BLTP3B: variants seen among roughly 807,000 people sequenced by gnomAD.
BLTP3B encodes the protein UHRF1 (ICBP90) binding protein 1-like.
chr12:100,111,038 A>G, the BLTP3B span, among the ~76,000 whole-genome samples: 1 of 152,208 alleles, frequency 6.6e-6, no homozygotes, highest in Non-Finnish European at 1.5e-5. Flanking sequence ...AAGGATATCT[A>G]CAAGAAAAAA....
chr12:100,135,281 C>CTTTTTTTTTTTTTTTTTTTT, the BLTP3B span, among the ~76,000 whole-genome samples: 3 of 141,226 alleles, frequency 2.1e-5, no homozygotes, highest in Non-Finnish European at 3.0e-5. Flanking sequence ...TTCTTTCTTT[C>CTTTTTTTTTTTTTTTTTTTT]TTTTTTTTTT....
chr12:100,080,169 T>A, the BLTP3B span, among the ~76,000 whole-genome samples: 1 of 152,094 alleles, frequency 6.6e-6, no homozygotes, highest in Non-Finnish European at 1.5e-5. Context: ...CTAGTGGAGC[T>A]GTGAGAAGAA....
the BLTP3B span, among the ~76,000 whole-genome samples, chr12:100,067,602 T>C: frequency 5.9e-5 from 9 of 152,154 alleles, no homozygotes; most frequent in Admixed American, 3.9e-4. Flanking sequence ...ATGGAAGAAT[T>C]CCTGGAAAAA....
chr12:100,083,622 TCTG>T, the BLTP3B span, among the ~76,000 whole-genome samples: 1 of 152,122 alleles, frequency 6.6e-6, no homozygotes, highest in African/African-American at 2.4e-5. Context: ...TGCTAATTAC[TCTG>T]CTTTTAGTGT....
the BLTP3B span, among the ~76,000 whole-genome samples, chr12:100,068,962 G>A: frequency 1.3e-5 from 2 of 152,188 alleles, no homozygotes; most frequent in South Asian, 4.1e-4. Flanking sequence ...AGTAGGCAGA[G>A]CATGGTGGCT....
the BLTP3B span, among the ~76,000 whole-genome samples, chr12:100,104,945 G>T: frequency 1.8e-5 from 2 of 113,566 alleles, no homozygotes; most frequent in South Asian, 6.3e-4. Flanking sequence ...GGAGTTGAAA[G>T]ATCTCCACAT....
chr12:100,065,880 C>CT, the BLTP3B span, among the ~76,000 whole-genome samples: 3 of 152,164 alleles, frequency 2.0e-5, no homozygotes, highest in Non-Finnish European at 4.4e-5. Context: ...GACCTACTCC[C>CT]TGTTCATACA....
the BLTP3B span, chr12:100,097,601 T>C: frequency 8.3e-6 from 11 of 1,322,832 alleles, no homozygotes; most frequent in African/African-American, 1.5e-5. Flanking sequence ...TATTCTCAGT[T>C]AATTTTCACA....
chr12:100,078,697 A>G, the BLTP3B span, among the ~76,000 whole-genome samples: 10 of 152,180 alleles, frequency 6.6e-5, no homozygotes, highest in East Asian at 1.9e-4. Flanking sequence ...TAGAAAGCTA[A>G]TAAGTCCTGA....
the BLTP3B span, chr12:100,128,631 G>A: frequency 1.6e-6 from 2 of 1,285,988 alleles, no homozygotes; most frequent in African/African-American, 1.5e-5. Flanking sequence ...AAAGCAAGCA[G>A]TCAGTTGCCA....
the BLTP3B span, chr12:100,097,620 T>C: frequency 8.6e-7 from 1 of 1,167,342 alleles, no homozygotes; most frequent in Non-Finnish European, 1.2e-6. Context: ...CATGACATTT[T>C]AGATATATTC....
At chr12:100,055,569 C>T in the BLTP3B span, among the ~76,000 whole-genome samples, 14 of 149,620 alleles carry the variant, frequency 9.4e-5, no homozygotes, top group Admixed American at 8.8e-4. Flanking sequence ...CCCAGCTACT[C>T]GGGAGGCTGA....
At chr12:100,135,231 A>C in the BLTP3B span, among the ~76,000 whole-genome samples, 6 of 148,618 alleles carry the variant, frequency 4.0e-5, no homozygotes, top group Admixed American at 2.7e-4. Context: ...TGTTCCCACT[A>C]TCTCTCTCAG....
At chr12:100,102,110 C>CTTTTTTTTTTTTT in the BLTP3B span, among the ~76,000 whole-genome samples, 1 of 135,096 alleles carries the variant, frequency 7.4e-6, no homozygotes, top group African/African-American at 2.8e-5. Context: ...CAACTTAACT[C>CTTTTTTTTTTTTT]TTTTTTTTTT....
At chr12:100,138,728 G>T in the BLTP3B span, among the ~76,000 whole-genome samples, 1 of 152,224 alleles carries the variant, frequency 6.6e-6, no homozygotes, top group African/African-American at 2.4e-5. Context: ...CTTAGCCTAA[G>T]GGAGCGAAGG....
the BLTP3B span, among the ~76,000 whole-genome samples, chr12:100,130,961 T>TAGAG: frequency 1.6e-4 from 15 of 93,538 alleles, 1 homozygote; most frequent in African/African-American, 4.2e-4. Flanking sequence ...TATATATATA[T>TAGAG]AGAGAGAGAG....
chr12:100,103,158 A>C, the BLTP3B span, among the ~76,000 whole-genome samples: 622 of 152,304 alleles, frequency 4.1e-3, 7 homozygotes, highest in African/African-American at 0.014. Context: ...TCATGAAAAC[A>C]GAATCTCTAC....
chr12:100,092,957 TACCA>T, the BLTP3B span: 1 of 985,396 alleles, frequency 1.0e-6, no homozygotes, highest in Non-Finnish European at 1.2e-6. Flanking sequence ...CTAACGGTAC[TACCA>T]ACTGTCATTC....
chr12:100,125,819 CATTTT>C, the BLTP3B span, among the ~76,000 whole-genome samples: 1 of 152,206 alleles, frequency 6.6e-6, no homozygotes, highest in African/African-American at 2.4e-5. Context: ...AAGAACTTCA[CATTTT>C]ATTATTAGAA....
Sources: gnomAD v4.1 joint callset for allele counts (sites outside exome capture counted in the v4.1 genomes callset) on GRCh38, gnomAD v4.1.1 for gene constraint, MANE v1.5 for transcripts, NCBI Gene and HGNC (gene_info 2026-07-23, HGNC 2026-07-21) for gene names.